The following NF1 variants were observed in gnomAD, a reference collection of about 807,000 sequenced individuals.
NF1 encodes the protein neurofibromin.
NF1 carries 122 observed loss-of-function variants against 325.7 expected under a neutral mutation model. The observed-to-expected ratio is 0.37, with a 90% CI of 0.32 to 0.44. The LOEUF (loss-of-function observed/expected upper bound fraction) is 0.44, where lower values mean the gene tolerates loss of function less well. Ranked by LOEUF, NF1 falls within the 20% of genes least tolerant of loss-of-function variation. NF1 has a pLI of 1.00. For synonymous variants in NF1, 1,091 were observed against 1,186.0 expected (o/e 0.92, Z 1.65); for missense variants, 2,140 against 3,415.4 (o/e 0.63, Z 9.31).
intron 36 of NF1, among the ~76,000 whole-genome samples, chr17:31,307,569 G>GT (rs1252694628): frequency 3.9e-5 from 6 of 152,292 alleles, no homozygotes; most frequent in African/African-American, 1.4e-4. Context: ...TTAAGTTTCA[G>GT]TTCTACTTCT....
intron 36 of NF1, among the ~76,000 whole-genome samples, chr17:31,269,534 G>A (rs2067853096): frequency 6.6e-6 from 1 of 152,170 alleles, no homozygotes; most frequent in South Asian, 2.1e-4. Context: ...AAATTTATGT[G>A]TGCCAAAAAG....
At chr17:31,358,403 A>C in intron 54 of NF1, 77 bp from the exon 55 acceptor site, 26 of 1,392,174 alleles carry the variant, frequency 1.9e-5, no homozygotes, top group Non-Finnish European at 2.5e-5. Flanking sequence ...TGGGGAATGT[A>C]TATTATGTTT....
At chr17:31,214,775 C>T (rs1045092147) in intron 13 of NF1, among the ~76,000 whole-genome samples, 190 bp downstream of exon 13, 5 of 152,142 alleles carry the variant, frequency 3.3e-5, no homozygotes, top group Non-Finnish European at 5.9e-5. Flanking sequence ...AGATCAGATT[C>T]TTAATTGCCC....
chr17:31,321,554 C>T (rs2069193614), intron 36 of NF1: 1 of 152,108 alleles, frequency 6.6e-6, no homozygotes, highest in Admixed American at 6.5e-5. Context: ...CACTTCTTTT[C>T]TTGTCTTCTT....
At chr17:31,143,891 G>A (rs369040769) in intron 1 of NF1, among the ~76,000 whole-genome samples, 11 of 151,902 alleles carry the variant, frequency 7.2e-5, no homozygotes, top group Admixed American at 4.6e-4. Context: ...GCGCAGTCTC[G>A]GCTCACTGCA....
intron 11 of NF1, among the ~76,000 whole-genome samples, chr17:31,204,207 A>G (rs1254771647): frequency 1.3e-5 from 2 of 152,148 alleles, no homozygotes; most frequent in Non-Finnish European, 2.9e-5. Context: ...TATAGCTGGT[A>G]TATTACTTAT....
At chr17:31,173,818 A>G (rs1344207945) in intron 5 of NF1, among the ~76,000 whole-genome samples, 1 of 152,236 alleles carries the variant, frequency 6.6e-6, no homozygotes, top group Non-Finnish European at 1.5e-5. Context: ...AGAAACTTGT[A>G]GAACTGAAAG....
intron 2 of NF1, among the ~76,000 whole-genome samples, chr17:31,157,137 C>G (rs1226635406): frequency 6.6e-6 from 1 of 152,110 alleles, no homozygotes; most frequent in Non-Finnish European, 1.5e-5. Context: ...CAGGCATGTG[C>G]CACCATGCTC....
intron 23 of NF1, 27 bp from the exon 24 acceptor site, chr17:31,230,815 G>A (rs755724016): frequency 2.0e-6 from 3 of 1,519,084 alleles, no homozygotes; most frequent in East Asian, 2.3e-5. Flanking sequence ...ATTGTTTGCT[G>A]TTTCTCTTTT....
At chr17:31,216,249 C>T (rs1003934535) in intron 13 of NF1, among the ~76,000 whole-genome samples, 4 of 152,266 alleles carry the variant, frequency 2.6e-5, no homozygotes, top group African/African-American at 9.6e-5. Flanking sequence ...CTCACCAATG[C>T]CGTTTCTACT....
chr17:31,344,131 T>C (rs777626216), intron 48 of NF1, among the ~76,000 whole-genome samples: 3 of 152,202 alleles, frequency 2.0e-5, no homozygotes, highest in Non-Finnish European at 4.4e-5. Context: ...AGAGATTTGA[T>C]CACAGATTTT....
chr17:31,276,546 A>G (rs1165876977), intron 36 of NF1, among the ~76,000 whole-genome samples: 1 of 152,170 alleles, frequency 6.6e-6, no homozygotes, highest in East Asian at 1.9e-4. Flanking sequence ...TTTGACACCA[A>G]AATTTATTTG....
intron 46 of NF1, among the ~76,000 whole-genome samples, chr17:31,340,101 G>C (rs1272566965): frequency 2.6e-5 from 4 of 152,192 alleles, no homozygotes; most frequent in African/African-American, 9.6e-5. Context: ...CCTGGTGGTA[G>C]TGTGCACAGT....
At chr17:31,224,502 G>A (rs892906308) in intron 16 of NF1, among the ~76,000 whole-genome samples, 2 of 152,152 alleles carry the variant, frequency 1.3e-5, no homozygotes, top group African/African-American at 4.8e-5. Context: ...ATATGTTAAT[G>A]TAGTGGAATT....
At chr17:31,219,294 G>A (rs1368998255) in intron 14 of NF1, 176 bp downstream of exon 14, 6 of 571,180 alleles carry the variant, frequency 1.1e-5, no homozygotes, top group Non-Finnish European at 9.1e-6. Context: ...GGGTTTACTT[G>A]CTTTGTATCA....
At chr17:31,295,397 G>T in intron 36 of NF1, 1 of 1,614,096 alleles carries the variant, frequency 6.2e-7, no homozygotes, top group Non-Finnish European at 8.5e-7. Context: ...ACCAAACGTT[G>T]TTTCCTTTGT....
At chr17:31,156,890 A>G (rs2065672600) in intron 2 of NF1, among the ~76,000 whole-genome samples, 1 of 152,198 alleles carries the variant, frequency 6.6e-6, no homozygotes, top group Non-Finnish European at 1.5e-5. Flanking sequence ...GTTTCAAACT[A>G]ACATACTCAG....
chr17:31,364,083 C>A (rs905670282), intron 57 of NF1, among the ~76,000 whole-genome samples: 2 of 152,130 alleles, frequency 1.3e-5, no homozygotes, highest in African/African-American at 2.4e-5. Context: ...TATCAAAAAA[C>A]CAAAAGAAAG....
At chr17:31,295,524 G>T in intron 36 of NF1, 2 of 1,614,154 alleles carry the variant, frequency 1.2e-6, no homozygotes, top group Non-Finnish European at 8.5e-7. Context: ...AATCCAGAAG[G>T]TGTGGGATAC....
Sources: allele counts gnomAD v4.1 joint callset (sites outside exome capture counted in the v4.1 genomes callset), GRCh38; gene constraint gnomAD v4.1.1; transcripts MANE v1.5; gene names NCBI Gene and HGNC (gene_info 2026-07-23, HGNC 2026-07-21).